Variants in MACROD2 observed in about 807,000 individuals in gnomAD.
MACROD2 encodes the protein mono-ADP ribosylhydrolase 2.
MACROD2 carries 36 observed loss-of-function variants against 70.4 expected under a neutral mutation model. That is an observed-to-expected ratio of 0.51 (90% CI 0.39 to 0.68). MACROD2 has a LOEUF of 0.68. MACROD2 is among the 30% of genes least tolerant of loss of function. MACROD2 has a pLI of 0.00. For missense variants in MACROD2, 496 were observed against 538.4 expected, an observed-to-expected ratio of 0.92 and a Z score of 0.78; for synonymous variants, 172 against 178.8, an observed-to-expected ratio of 0.96 and a Z score of 0.30.
intron 6 of MACROD2, among the ~76,000 whole-genome samples, chr20:15,333,232 GA>G (rs2146194411): frequency 6.6e-6 from 1 of 151,598 alleles, no homozygotes; most frequent in East Asian, 1.9e-4. Flanking sequence ...CCAGGTATGG[GA>G]CCCAGCAATT....
chr20:16,025,406 C>A (rs2067063914), intron 15 of MACROD2, among the ~76,000 whole-genome samples: 1 of 152,212 alleles, frequency 6.6e-6, no homozygotes, highest in Non-Finnish European at 1.5e-5. Flanking sequence ...GCAAAAGATT[C>A]TTGACTATGG....
At chr20:15,306,451 CTATTA>C (rs1236674648) in intron 6 of MACROD2, among the ~76,000 whole-genome samples, 1 of 152,170 alleles carries the variant, frequency 6.6e-6, no homozygotes, top group Non-Finnish European at 1.5e-5. Flanking sequence ...AAATACTATA[CTATTA>C]TGTCAATTTT....
chr20:15,469,111 C>T (rs1203865577), intron 7 of MACROD2, among the ~76,000 whole-genome samples: 2 of 152,188 alleles, frequency 1.3e-5, no homozygotes, highest in Non-Finnish European at 2.9e-5. Context: ...TCAACACTGA[C>T]ATACGTTCTG....
intron 3 of MACROD2, among the ~76,000 whole-genome samples, chr20:14,252,161 C>T (rs533317683): frequency 2.0e-5 from 3 of 152,008 alleles, no homozygotes; most frequent in African/African-American, 7.2e-5. Flanking sequence ...ATCTAGAGAG[C>T]TAAATACAGA....
intron 7 of MACROD2, among the ~76,000 whole-genome samples, chr20:15,462,754 T>C (rs976924437): frequency 6.6e-6 from 1 of 152,212 alleles, no homozygotes; most frequent in Non-Finnish European, 1.5e-5. Flanking sequence ...CATATTTGTG[T>C]CACAACTCTG....
chr20:15,409,644 A>G (rs1392459738), intron 6 of MACROD2, among the ~76,000 whole-genome samples: 1 of 152,184 alleles, frequency 6.6e-6, no homozygotes, highest in Non-Finnish European at 1.5e-5. Context: ...GAAAATGAGG[A>G]AGTGATCATG....
intron 15 of MACROD2, among the ~76,000 whole-genome samples, chr20:16,031,929 G>A (rs1160035772): frequency 1.3e-5 from 2 of 151,958 alleles, no homozygotes; most frequent in East Asian, 1.9e-4. Flanking sequence ...TGAAAGAGAT[G>A]GGAATTGTGT....
intron 8 of MACROD2, among the ~76,000 whole-genome samples, chr20:15,638,649 C>A (rs1207727299): frequency 6.6e-6 from 1 of 152,052 alleles, no homozygotes; most frequent in Non-Finnish European, 1.5e-5. Context: ...TTTGACAAAT[C>A]CAGATTACAA....
At chr20:14,163,710 TC>T (rs2055224462) in intron 3 of MACROD2, among the ~76,000 whole-genome samples, 1 of 151,280 alleles carries the variant, frequency 6.6e-6, no homozygotes, top group Non-Finnish European at 1.5e-5. Flanking sequence ...GTTCTGAGAT[TC>T]CGTCTTCTGC....
At chr20:14,345,328 A>G (rs2083052730) in intron 3 of MACROD2, among the ~76,000 whole-genome samples, 1 of 152,192 alleles carries the variant, frequency 6.6e-6, no homozygotes, top group Non-Finnish European at 1.5e-5. Context: ...GAGAGAAGTT[A>G]GAGACAATTA....
At chr20:15,786,216 T>C (rs1472091506) in intron 8 of MACROD2, among the ~76,000 whole-genome samples, 1 of 150,224 alleles carries the variant, frequency 6.7e-6, no homozygotes. Context: ...ACAGCTATTA[T>C]AGACAGTCAA....
At chr20:15,256,086 G>A (rs984168731) in intron 6 of MACROD2, among the ~76,000 whole-genome samples, 3 of 152,084 alleles carry the variant, frequency 2.0e-5, no homozygotes, top group African/African-American at 4.8e-5. Flanking sequence ...GTGAGCATCA[G>A]TTAGGTATCT....
chr20:15,173,753 G>A (rs1464308311), intron 5 of MACROD2, among the ~76,000 whole-genome samples: 1 of 152,104 alleles, frequency 6.6e-6, no homozygotes, highest in African/African-American at 2.4e-5. Flanking sequence ...TTTTAGCATG[G>A]TGATATCACG....
intron 2 of MACROD2, among the ~76,000 whole-genome samples, chr20:14,034,482 T>C (rs1161886467): frequency 1.3e-5 from 2 of 152,256 alleles, no homozygotes; most frequent in East Asian, 3.8e-4. Flanking sequence ...ATTGCTAGGG[T>C]ATGCAATTTC....
At chr20:15,781,100 T>C (rs1039774984) in intron 8 of MACROD2, among the ~76,000 whole-genome samples, 1 of 152,178 alleles carries the variant, frequency 6.6e-6, no homozygotes, top group Admixed American at 6.5e-5. Flanking sequence ...TTCTAAACAC[T>C]GTACATGCCC....
At chr20:15,913,817 A>G (rs2065271078) in intron 10 of MACROD2, among the ~76,000 whole-genome samples, 1 of 152,214 alleles carries the variant, frequency 6.6e-6, no homozygotes, top group Non-Finnish European at 1.5e-5. Context: ...TTACCTCTCA[A>G]AGTGAAAGTG....
intron 5 of MACROD2, among the ~76,000 whole-genome samples, chr20:14,929,036 A>C (rs1027293886): frequency 3.3e-5 from 5 of 152,170 alleles, no homozygotes; most frequent in African/African-American, 1.2e-4. Context: ...AAATGAGAGA[A>C]ACTAATTAAT....
Position 14,430,954 on chromosome 20 carries a change from C to CT in MACROD2, c.272-62524dup, listed in dbSNP as rs199757695. Among the ~76,000 whole-genome samples, 964 of 152,174 alleles carry CT rather than the reference C, an allele frequency of 6.3e-3. 18 individuals carry two copies. The highest frequency in any genetic ancestry group is 0.022 in the African/African-American group (906 of 41,522). On this transcript the variant is annotated intron_variant, in intron 3 of 17. Coordinates refer to ENST00000684519, the MANE Select transcript of MACROD2 (RefSeq NM_001351661.2). ...GCCGCATGATGGGAATTTTTAAAGACTAGGGAGACCACACCAGCCCCAAAC... is the reference window on the plus strand; with the variant it reads ...GCCGCATGATGGGAATTTTTAAAGACTTAGGGAGACCACACCAGCCCCAAAC...
chr20:15,445,624 C>G (rs1176651981), intron 7 of MACROD2, among the ~76,000 whole-genome samples: 1 of 152,148 alleles, frequency 6.6e-6, no homozygotes, highest in Non-Finnish European at 1.5e-5. Flanking sequence ...ACAGTTGCCA[C>G]TTAGCTTACA....
Sources: allele counts gnomAD v4.1 joint callset (sites outside exome capture counted in the v4.1 genomes callset), GRCh38; gene constraint gnomAD v4.1.1; transcripts MANE v1.5; gene names NCBI Gene and HGNC (gene_info 2026-07-23, HGNC 2026-07-21).